The following SSX2IP variants were observed in gnomAD, a reference collection of about 807,000 sequenced individuals.
The protein encoded by SSX2IP is SSX family member 2 interacting protein, also known as afadin- and alpha-actinin-binding protein.
Under a neutral mutation model 84.9 loss-of-function variants are expected in SSX2IP, and 55 were observed. The ratio of observed to expected loss-of-function variants is 0.65; its 90% CI spans 0.52 to 0.81. The LOEUF (loss-of-function observed/expected upper bound fraction) is 0.81, where lower values mean the gene tolerates loss of function less well. SSX2IP is among the 30% of genes least tolerant of loss of function. SSX2IP has a pLI of 0.00. For synonymous variants in SSX2IP, 239 were observed against 234.7 expected, an observed-to-expected ratio of 1.02 and a Z score of -0.17; for missense variants, 664 against 705.2, an observed-to-expected ratio of 0.94 and a Z score of 0.66.
At chr1:84,676,719 CT>C (rs61017474) in intron 1 of SSX2IP, among the ~76,000 whole-genome samples, 1,733 of 99,430 alleles carry the variant, frequency 0.017, 25 homozygotes, top group African/African-American at 0.062. Flanking sequence ...TGCTCTTTTC[CT>C]TTTTTTTTTT....
intron 1 of SSX2IP, among the ~76,000 whole-genome samples, chr1:84,671,575 T>C (rs530538438): frequency 2.6e-5 from 4 of 152,308 alleles, no homozygotes; most frequent in East Asian, 1.9e-4. Flanking sequence ...TGACTCAACA[T>C]ACATCTAAGG....
chr1:84,651,864 G>A lies in SSX2IP; in HGVS notation c.1504+19C>T, dbSNP rs778672316. 2.8e-6 allele frequency: 4 copies of A among 1,444,904 alleles called. No homozygotes were observed. The African/African-American group carries it at 5.7e-5, about 20-fold the overall frequency. 89.5% of individuals were successfully genotyped at this position (1,444,904 alleles called of 1,614,324 possible). On this transcript the variant is annotated intron_variant, in intron 12 of 13. Transcript: ENST00000342203. ...TATTTATATGCATGTTCAAATTAAA[G>A]AGTTTATAAAGTACTCACTTCCTGA...
rs1042705928 is a variant in SSX2IP, at chr1:84,647,196, A to T, written c.*237T>A. The T allele has an allele frequency of 1.2e-5, 4 of 330,112 alleles. No individual in the cohort carries two copies. The highest frequency in any genetic ancestry group is 2.2e-5 in the Non-Finnish European group (4 of 183,560). The allele number at this position is 330,112 out of a possible 1,614,324, so 20.4% of individuals were successfully genotyped here. ...CTTTTGTTTCCATCCAAACATCTAT[A>T]CATTCCTTTATTCACAGAACCAGAT... On this transcript the variant is annotated 3_prime_UTR_variant, in exon 14 of 14. Transcript: ENST00000342203.
At chr1:84,668,336 A>G (rs1653049739) in intron 4 of SSX2IP, among the ~76,000 whole-genome samples, 1 of 152,158 alleles carries the variant, frequency 6.6e-6, no homozygotes, top group Admixed American at 6.6e-5. Flanking sequence ...GATCTGGATT[A>G]AAGTAGCATC....
chr1:84,647,372 G>C lies in SSX2IP; in HGVS notation c.*61C>G. ...GATAACTGACTTTATGACACACCCT[G>C]TTTCAACTTAGATGTGAAACTTGAT... is the stretch of plus-strand genomic sequence containing the variant. On this transcript the variant is annotated 3_prime_UTR_variant, in exon 14 of 14. Coordinates refer to ENST00000342203, the MANE Select transcript of SSX2IP (RefSeq NM_001166293.2). The C allele has an allele frequency of 2.1e-6, 3 of 1,434,200 alleles. No homozygotes were observed. Among genetic ancestry groups the C allele is most frequent in the Non-Finnish European group, 1.9e-6 (2 of 1,069,824 alleles). 88.8% of individuals were successfully genotyped at this position (1,434,200 alleles called of 1,614,324 possible).
At chr1:84,687,196 T>C (rs979690795) in intron 1 of SSX2IP, among the ~76,000 whole-genome samples, 5 of 152,170 alleles carry the variant, frequency 3.3e-5, no homozygotes, top group Non-Finnish European at 7.4e-5. Flanking sequence ...ACATAGCTAG[T>C]AGTGTGGTAG....
At chr1:84,666,339 C>T in intron 4 of SSX2IP, 107 bp from the exon 5 acceptor site, 1 of 770,558 alleles carries the variant, frequency 1.3e-6, no homozygotes, top group African/African-American at 1.8e-5. Flanking sequence ...GTTTATTAGT[C>T]AAAATCAAAT....
intron 1 of SSX2IP, among the ~76,000 whole-genome samples, chr1:84,677,911 C>T (rs1011554918): frequency 9.9e-5 from 15 of 152,210 alleles, no homozygotes; most frequent in Non-Finnish European, 1.9e-4. Context: ...CCCAGCTAAG[C>T]TGTGCTCAGA....
intron 1 of SSX2IP, among the ~76,000 whole-genome samples, chr1:84,688,411 T>C (rs775815489): frequency 3.3e-5 from 5 of 152,102 alleles, no homozygotes; most frequent in African/African-American, 4.8e-5. Context: ...ATGGAAAAAA[T>C]AACTTAAAAA....
intron 3 of SSX2IP, 169 bp downstream of exon 3, chr1:84,670,477 A>G (rs556918732): frequency 3.5e-5 from 15 of 428,506 alleles, no homozygotes; most frequent in African/African-American, 2.7e-4. Context: ...CAAAAAAGTT[A>G]GACTTGCTAT....
intron 1 of SSX2IP, among the ~76,000 whole-genome samples, chr1:84,671,872 T>A (rs1296232547): frequency 6.6e-6 from 1 of 152,102 alleles, no homozygotes; most frequent in Non-Finnish European, 1.5e-5. Flanking sequence ...AAAATCTACT[T>A]CAAAAATATT....
intron 1 of SSX2IP, among the ~76,000 whole-genome samples, chr1:84,676,719 C>CTTTTTTTTTTTTTT (rs61017474): frequency 5.0e-5 from 5 of 99,460 alleles, no homozygotes; most frequent in African/African-American, 7.7e-5. Flanking sequence ...TGCTCTTTTC[C>CTTTTTTTTTTTTTT]TTTTTTTTTT....
At chr1:84,675,858 C>T (rs1191494672) in intron 1 of SSX2IP, among the ~76,000 whole-genome samples, 1 of 152,148 alleles carries the variant, frequency 6.6e-6, no homozygotes, top group East Asian at 1.9e-4. Flanking sequence ...CTACCTGGGT[C>T]CTGGAAGCCC....
chr1:84,648,755 T>C lies in SSX2IP; in HGVS notation c.1671-1148A>G, dbSNP rs373251576. Among the ~76,000 whole-genome samples the C allele has an allele frequency of 3.3e-5, 5 of 152,258 alleles. No individual in the cohort carries two copies. The East Asian group carries it at 9.6e-4, about 29-fold the overall frequency. On this transcript the variant is annotated intron_variant, in intron 13 of 13. Coordinates refer to ENST00000342203, the MANE Select transcript of SSX2IP (RefSeq NM_001166293.2). ...ATTTAGAAGTTTGAATAACATTCTATGTAAGAAAATACTATAAGCTTACAC... is the reference window on the plus strand; with the variant it reads ...ATTTAGAAGTTTGAATAACATTCTACGTAAGAAAATACTATAAGCTTACAC...
intron 11 of SSX2IP, chr1:84,655,341 G>T: frequency 9.1e-7 from 1 of 1,098,116 alleles, no homozygotes; most frequent in South Asian, 2.3e-5. Flanking sequence ...AGACATTACT[G>T]CTACAATTTT....
intron 8 of SSX2IP, among the ~76,000 whole-genome samples, chr1:84,659,512 T>C (rs892315877): frequency 7.9e-5 from 12 of 152,170 alleles, no homozygotes; most frequent in African/African-American, 2.7e-4. Flanking sequence ...AGAAAAATTA[T>C]TGGCCGGGCG....
chr1:84,682,561 G>A, intron 1 of SSX2IP, among the ~76,000 whole-genome samples: 1 of 149,774 alleles, frequency 6.7e-6, no homozygotes, highest in East Asian at 2.0e-4. Flanking sequence ...GGAGTGCAGT[G>A]GGGTGTGATC....
chr1:84,662,737 T>C (rs1395347980), intron 6 of SSX2IP, among the ~76,000 whole-genome samples: 1 of 152,180 alleles, frequency 6.6e-6, no homozygotes, highest in Non-Finnish European at 1.5e-5. Context: ...AGCCTGTTTC[T>C]TCTTGGACAC....
chr1:84,660,987 A>T (rs1651884576), intron 8 of SSX2IP, among the ~76,000 whole-genome samples: 1 of 149,782 alleles, frequency 6.7e-6, no homozygotes. Context: ...GAATCACTTG[A>T]ACTCGGGAGG....
Sources: allele counts gnomAD v4.1 joint callset (sites outside exome capture counted in the v4.1 genomes callset), GRCh38; gene constraint gnomAD v4.1.1; transcripts MANE v1.5; gene names NCBI Gene and HGNC (gene_info 2026-07-23, HGNC 2026-07-21).